GALNT10: variants seen among roughly 807,000 people sequenced by gnomAD.
GALNT10 encodes the protein GalNAc transferase 10.
In GALNT10, 41 loss-of-function variants were observed where a neutral mutation model predicts 75.0. The observed-to-expected ratio is 0.55, with a 90% CI of 0.43 to 0.71. GALNT10 has a LOEUF of 0.71. Among genes scored for constraint, GALNT10 ranks in the 30% least tolerant of loss-of-function variants. The pLI, the probability that GALNT10 is intolerant of heterozygous loss-of-function variation, is 0.00. For synonymous variants in GALNT10, 302 were observed against 313.0 expected, an observed-to-expected ratio of 0.96 and a Z score of 0.37; for missense variants, 727 against 818.5, an observed-to-expected ratio of 0.89 and a Z score of 1.36.
chr5:154,292,354 C>T (rs1310397699), intron 1 of GALNT10, among the ~76,000 whole-genome samples: 1 of 152,194 alleles, frequency 6.6e-6, no homozygotes, highest in Non-Finnish European at 1.5e-5. Context: ...CCAGGTGGCA[C>T]CCATCCTGTC....
chr5:154,361,973 C>A (rs1755395063), intron 4 of GALNT10, among the ~76,000 whole-genome samples: 1 of 152,098 alleles, frequency 6.6e-6, no homozygotes, highest in Admixed American at 6.6e-5. Context: ...TGATGTGGGT[C>A]ATCTATGGCT....
intron 4 of GALNT10, among the ~76,000 whole-genome samples, chr5:154,364,111 A>G (rs1755438625): frequency 6.6e-6 from 1 of 152,160 alleles, no homozygotes; most frequent in Non-Finnish European, 1.5e-5. Context: ...AGAAGAATAG[A>G]ATAGGATTCC....
chr5:154,384,007 T>G (rs1490361432), intron 6 of GALNT10, among the ~76,000 whole-genome samples: 1 of 152,044 alleles, frequency 6.6e-6, no homozygotes, highest in Admixed American at 6.6e-5. Context: ...ACATCCTTCT[T>G]CACAAGGCGG....
intron 7 of GALNT10, among the ~76,000 whole-genome samples, chr5:154,396,263 A>G (rs528197303): frequency 6.6e-6 from 1 of 151,678 alleles, no homozygotes; most frequent in East Asian, 1.9e-4. Flanking sequence ...GGGTTTCAAC[A>G]GTCACAGAAA....
chr5:154,361,537 T>C (rs1755388031), intron 4 of GALNT10, among the ~76,000 whole-genome samples: 1 of 152,230 alleles, frequency 6.6e-6, no homozygotes, highest in Non-Finnish European at 1.5e-5. Flanking sequence ...CTTGGTTACT[T>C]GGTTTCTGAT....
At position 154,397,223 on chromosome 5, in the gene GALNT10, A is replaced by G. The variant is rs144484147; in HGVS notation, c.1057-6881A>G. On this transcript the variant is annotated intron_variant, in intron 7 of 11. Transcript: ENST00000297107. ...TTTTTTTTTACCAGCTGCATCCAGTAAACATCCAAAACCAGCATGACTGAG... is the reference window on the plus strand; with the variant it reads ...TTTTTTTTTACCAGCTGCATCCAGTGAACATCCAAAACCAGCATGACTGAG... Among the ~76,000 whole-genome samples the G allele has an allele frequency of 3.6e-4, 54 of 151,700 alleles. No individual in the cohort carries two copies. In the East Asian group the frequency reaches 0.01, roughly 29 times the overall value.
chr5:154,312,706 A>G (rs1281513157), intron 3 of GALNT10, among the ~76,000 whole-genome samples: 1 of 152,202 alleles, frequency 6.6e-6, no homozygotes, highest in Non-Finnish European at 1.5e-5. Flanking sequence ...TGGAACACAT[A>G]TCTTTACATT....
intron 3 of GALNT10, among the ~76,000 whole-genome samples, chr5:154,307,866 A>G (rs143006077): frequency 6.6e-6 from 1 of 151,750 alleles, no homozygotes; most frequent in East Asian, 2.0e-4. Context: ...GGTGTGCCAA[A>G]GTCACACAGG....
chr5:154,300,462 G>A (rs967109306), intron 3 of GALNT10, among the ~76,000 whole-genome samples: 1 of 152,152 alleles, frequency 6.6e-6, no homozygotes, highest in African/African-American at 2.4e-5. Context: ...CTCTGAGGTT[G>A]TTACCTGGAT....
chr5:154,338,052 C>G lies in GALNT10; in HGVS notation c.568+8314C>G, dbSNP rs558258516. 1,771 of 1,349,444 alleles carry G rather than the reference C, an allele frequency of 1.3e-3. 28 individuals carry two copies. The South Asian group carries it at 0.019, about 15-fold the overall frequency. 83.6% of individuals were successfully genotyped at this position (1,349,444 alleles called of 1,614,324 possible). ...AATCACTTCATTTTTCCATACTGTTCAAAATAATCTCTTAGGTGATGTTCT... is the reference window on the plus strand; with the variant it reads ...AATCACTTCATTTTTCCATACTGTTGAAAATAATCTCTTAGGTGATGTTCT... On this transcript the variant is annotated intron_variant, in intron 4 of 11. Transcript: ENST00000297107.
chr5:154,312,112 T>G (rs1159992355), intron 3 of GALNT10, among the ~76,000 whole-genome samples: 1 of 152,170 alleles, frequency 6.6e-6, no homozygotes, highest in Non-Finnish European at 1.5e-5. Context: ...AGAGATGAGT[T>G]TGATTTCTAA....
chr5:154,233,938 A>G (rs760393090), intron 1 of GALNT10, among the ~76,000 whole-genome samples: 14 of 152,160 alleles, frequency 9.2e-5, no homozygotes, highest in East Asian at 3.9e-4. Context: ...GTGGTGGCCA[A>G]TGTCAGATTC....
At chr5:154,380,814 A>G (rs1359828378) in intron 6 of GALNT10, among the ~76,000 whole-genome samples, 183 bp downstream of exon 6, 2 of 151,882 alleles carry the variant, frequency 1.3e-5, no homozygotes, top group Admixed American at 6.6e-5. Context: ...GCTTGTAACA[A>G]CCTCAGCTCA....
intron 1 of GALNT10, among the ~76,000 whole-genome samples, chr5:154,207,583 G>A (rs4958365): frequency 0.34 from 52,452 of 152,082 alleles, 10,884 homozygotes; most frequent in East Asian, 0.78. Context: ...GGACCCGGAC[G>A]GGCAGGGCGG....
intron 1 of GALNT10, among the ~76,000 whole-genome samples, chr5:154,206,824 C>T (rs1775118129): frequency 6.6e-6 from 1 of 152,184 alleles, no homozygotes; most frequent in African/African-American, 2.4e-5. Context: ...GCAAGGAAGC[C>T]ATGGATAGTT....
chr5:154,306,375 C>G (rs995002745), intron 3 of GALNT10, among the ~76,000 whole-genome samples: 1 of 152,110 alleles, frequency 6.6e-6, no homozygotes, highest in Admixed American at 6.5e-5. Flanking sequence ...ACAAAATAAT[C>G]CTTTTAAACT....
intron 1 of GALNT10, among the ~76,000 whole-genome samples, chr5:154,263,001 G>A (rs1421475016): frequency 1.3e-5 from 2 of 152,144 alleles, no homozygotes; most frequent in Non-Finnish European, 2.9e-5. Flanking sequence ...ACAATAACAA[G>A]TGTTGGCAAG....
chr5:154,417,063 G>A lies in GALNT10; in HGVS notation c.*91G>A, dbSNP rs996361583. On this transcript the variant is annotated 3_prime_UTR_variant, in exon 12 of 12. Coordinates refer to ENST00000297107, the MANE Select transcript of GALNT10 (RefSeq NM_198321.4). The stretch of plus-strand genomic sequence containing the variant: ...GAGGCAGGGCCCCTGTGGGCACTAG[G>A]TGTAAAAGGTGCTGGCCAAATGGTT... 4.3e-6 allele frequency: 5 copies of A among 1,169,854 alleles called. No homozygotes were observed. In the African/African-American group the frequency reaches 4.5e-5, roughly 11 times the overall value. The allele number at this position is 1,169,854 out of a possible 1,614,324, so 72.5% of individuals were successfully genotyped here.
chr5:154,293,564 C>T lies in GALNT10; in HGVS notation c.160-1252C>T, dbSNP rs555776280. Among the ~76,000 whole-genome samples the T allele has an allele frequency of 1.7e-4, 26 of 148,984 alleles. 1 individual carries two copies. Among genetic ancestry groups the T allele is most frequent in the African/African-American group, 6.6e-4 (26 of 39,196 alleles). ...GGTAAATGATAAATGCTGCCAAAGC[C>T]CAGCCCCTGGGGGCTGCTCTCTTGG... On this transcript the variant is annotated intron_variant, in intron 1 of 11. Coordinates refer to ENST00000297107, the MANE Select transcript of GALNT10 (RefSeq NM_198321.4).
Sources: allele counts gnomAD v4.1 joint callset (sites outside exome capture counted in the v4.1 genomes callset), GRCh38; gene constraint gnomAD v4.1.1; transcripts MANE v1.5; gene names NCBI Gene and HGNC (gene_info 2026-07-23, HGNC 2026-07-21).